The following TAS1R1 variants were observed in gnomAD, a reference collection of about 807,000 sequenced individuals.
TAS1R1 encodes the protein taste 1 receptor member 1, also known as taste receptor type 1 member 1.
Under a neutral mutation model 45.8 loss-of-function variants are expected in TAS1R1, and 31 were observed. That is an observed-to-expected ratio of 0.68 (90% CI 0.51 to 0.91). TAS1R1 has a LOEUF of 0.91. Ranked by LOEUF, TAS1R1 falls within the 40% of genes least tolerant of loss-of-function variation. The probability of loss-of-function intolerance (pLI) is 0.00; values close to 1 mark genes in which losing one functional copy is unlikely to be tolerated. For missense variants in TAS1R1, 1,051 were observed against 1,063.9 expected, an observed-to-expected ratio of 0.99 and a Z score of 0.17; for synonymous variants, 437 against 448.4, an observed-to-expected ratio of 0.97 and a Z score of 0.32.
At position 6,576,445 on chromosome 1, in the gene TAS1R1, C is replaced by T; in HGVS notation, c.1291C>T (p.Leu431Phe). Reference protein sequence around the residue: ...LLEQIHKVHFLLHKDTVAFND... With the variant: ...LLEQIHKVHFFLHKDTVAFND... Reference sequence around the variant, plus strand: ...GGAGCAGATCCACAAGGTGCATTTCCTTCTACACAAGGACACTGTGGCGTT... The same window carrying T: ...GGAGCAGATCCACAAGGTGCATTTCTTTCTACACAAGGACACTGTGGCGTT... Residue 431 changes from leucine (L) to phenylalanine (F), a missense_variant, in exon 4 of 6, where the codon CTT (leucine) becomes TTT (phenylalanine). Transcript: ENST00000333172. The T allele has an allele frequency of 6.2e-7, 1 of 1,614,246 alleles. No homozygotes were observed. Among genetic ancestry groups the T allele is most frequent in the Non-Finnish European group, 8.5e-7 (1 of 1,180,052 alleles).
In TAS1R1 at chr1:6,574,943, G is replaced by A. The variant is rs745386138; in HGVS notation, c.811G>A (p.Val271Met). 36 of 1,610,230 alleles carry A rather than the reference G, an allele frequency of 2.2e-5. No homozygotes were observed. Among genetic ancestry groups the A allele is most frequent in the East Asian group, 1.6e-4 (7 of 44,806 alleles). The stretch of plus-strand genomic sequence containing the variant: ...CCTGGCCCAGGCCGGGGCCACCGTC[G>A]TGGTTGTTTTTTCCAGCCGGCAGTT... Reference protein sequence around the residue: ...RHLAQAGATVVVVFSSRQLAR... With the variant: ...RHLAQAGATVMVVFSSRQLAR... Residue 271 changes from valine to methionine, a missense_variant, in exon 3 of 6, where the codon GTG becomes ATG. By Grantham distance (21) the Val-to-Met change is conservative. Transcript: ENST00000333172. The surrounding 1 kb of genome is among the most constrained non-coding windows in gnomAD (Gnocchi z 4.3).
At chr1:6,563,101 C>T (rs1173816595) in intron 1 of TAS1R1, among the ~76,000 whole-genome samples, 1 of 152,220 alleles carries the variant, frequency 6.6e-6, no homozygotes, top group Non-Finnish European at 1.5e-5. Flanking sequence ...AATGGCCATA[C>T]AGCCTGTATG....
At chr1:6,568,163 G>A (rs760391570) in intron 1 of TAS1R1, among the ~76,000 whole-genome samples, 1 of 151,926 alleles carries the variant, frequency 6.6e-6, no homozygotes, top group Admixed American at 6.6e-5. Flanking sequence ...GAGAACAATA[G>A]TTCCAGCCGG....
intron 1 of TAS1R1, among the ~76,000 whole-genome samples, chr1:6,561,808 A>G (rs1159690009): frequency 6.6e-6 from 1 of 152,114 alleles, no homozygotes; most frequent in Non-Finnish European, 1.5e-5. Context: ...AGACCGTGAT[A>G]GTAGGACAGA....
intron 1 of TAS1R1, among the ~76,000 whole-genome samples, chr1:6,558,726 A>G (rs1050058760): frequency 2.6e-5 from 4 of 151,372 alleles, no homozygotes; most frequent in Non-Finnish European, 4.4e-5. Flanking sequence ...CTAAAAAAAA[A>G]TATATATATT....
chr1:6,559,807 G>A (rs892456326), intron 1 of TAS1R1, among the ~76,000 whole-genome samples: 8 of 150,464 alleles, frequency 5.3e-5, no homozygotes, highest in Admixed American at 1.3e-4. Flanking sequence ...CCTGGTCAAC[G>A]TGTGAAACCC....
At chr1:6,567,437 G>T (rs1639893614) in intron 1 of TAS1R1, among the ~76,000 whole-genome samples, 1 of 152,126 alleles carries the variant, frequency 6.6e-6, no homozygotes, top group African/African-American at 2.4e-5. Context: ...GTGTGCGCCT[G>T]TAGTCCCAGC....
Position 6,572,889 on chromosome 1 carries a change from T to C in TAS1R1, c.498+1674T>C, listed in dbSNP as rs550400965. On this transcript the variant is annotated intron_variant, in intron 2 of 5. Transcript: ENST00000333172. ...CTCCCTACACAACAAAAGCCTCTTT[T>C]CTTCCTGTATTAGCCCCAATCCTCT... Among the ~76,000 whole-genome samples, 442 of 152,274 alleles carry C rather than the reference T, an allele frequency of 2.9e-3. 1 individual carries two copies. Among genetic ancestry groups the C allele is most frequent in the Non-Finnish European group, 4.3e-3 (292 of 68,028 alleles).
At position 6,567,595 on chromosome 1, in the gene TAS1R1, T is replaced by A. The variant is rs1257310680; in HGVS notation, c.192-3314T>A. 3.3e-5 allele frequency among the ~76,000 whole-genome samples: 5 copies of A among 149,572 alleles called. No homozygotes were observed. The East Asian group carries it at 9.7e-4, about 29-fold the overall frequency. Reference sequence around the variant, plus strand: ...AAAAAAAAGAGGAGATCGGCTTACCTGATACTAGCAGAGTTACCCTGGGCT... The same window carrying A: ...AAAAAAAAGAGGAGATCGGCTTACCAGATACTAGCAGAGTTACCCTGGGCT... On this transcript the variant is annotated intron_variant, in intron 1 of 5. Transcript: ENST00000333172.
chr1:6,573,518 TC>T (rs1214272532), intron 2 of TAS1R1, among the ~76,000 whole-genome samples: 2 of 152,126 alleles, frequency 1.3e-5, no homozygotes, highest in Admixed American at 1.3e-4. Context: ...CCTTAGGGAC[TC>T]CCTGTGGCTT....
rs781181685 is a variant in TAS1R1 at position 6,574,641 on chromosome 1, C to T, written c.509C>T (p.Ala170Val). ...SPFLVPMISY[A>V]ASSETLSVKR... ...CGGGACCTCCCATAGATTAGCTATG[C>T]GGCCAGCAGCGAGACGCTCAGCGTG... Residue 170 changes from alanine to valine, a missense_variant, in exon 3 of 6, where the codon GCG becomes GTG. Physicochemically the swap from Ala to Val is moderately conservative, Grantham distance 64 (BLOSUM62 0). Coordinates refer to ENST00000333172, the MANE Select transcript of TAS1R1 (RefSeq NM_138697.4). The surrounding 1 kb of genome is among the most constrained non-coding windows in gnomAD (Gnocchi z 4.3). The T allele has an allele frequency of 1.2e-4, 188 of 1,601,362 alleles. 2 individuals are homozygous for T. Among genetic ancestry groups the T allele is most frequent in the Middle Eastern group, 3.3e-4 (2 of 6,026 alleles).
intron 5 of TAS1R1, among the ~76,000 whole-genome samples, chr1:6,577,370 C>T (rs1044129582): frequency 6.6e-6 from 1 of 151,292 alleles, no homozygotes; most frequent in Non-Finnish European, 1.5e-5. Flanking sequence ...CCCATCTCTA[C>T]CAAAAATATA....
chr1:6,576,905 C>T (rs545021281), intron 4 of TAS1R1, 45 bp from the exon 5 acceptor site: 3 of 1,613,832 alleles, frequency 1.9e-6, no homozygotes, highest in Admixed American at 1.7e-5. Flanking sequence ...TGTGAGCTGT[C>T]CTTTGACTTG....
chr1:6,578,196 C>T (rs748672302), intron 5 of TAS1R1, among the ~76,000 whole-genome samples: 1 of 152,208 alleles, frequency 6.6e-6, no homozygotes, highest in Non-Finnish European at 1.5e-5. Context: ...TTCCTTTCAC[C>T]ATCTCTGTAG....
intron 1 of TAS1R1, among the ~76,000 whole-genome samples, chr1:6,558,051 T>G (rs1192766801): frequency 1.4e-4 from 21 of 150,702 alleles, no homozygotes; most frequent in Admixed American, 5.3e-4. Flanking sequence ...TGTTTTTGTT[T>G]TTGTTTTTTT....
chr1:6,569,241 G>A (rs1639948194), intron 1 of TAS1R1, among the ~76,000 whole-genome samples: 1 of 152,144 alleles, frequency 6.6e-6, no homozygotes, highest in Non-Finnish European at 1.5e-5. Flanking sequence ...GTCATCGACT[G>A]GGGCTGTAGG....
intron 5 of TAS1R1, among the ~76,000 whole-genome samples, chr1:6,578,163 T>C (rs925585600): frequency 2.6e-5 from 4 of 152,166 alleles, no homozygotes; most frequent in African/African-American, 9.7e-5. Context: ...AGGTCCTTAG[T>C]TGGTGTCCAG....
Position 6,576,791 on chromosome 1 carries a change from C to T in TAS1R1, c.1474-159C>T, listed in dbSNP as rs572600162. 5.3e-5 allele frequency among the ~76,000 whole-genome samples: 8 copies of T among 152,378 alleles called. No homozygotes were observed. The East Asian group carries it at 1.5e-3, about 29-fold the overall frequency. On this transcript the variant is annotated intron_variant, in intron 4 of 5. Transcript: ENST00000333172. ...GGAAGCAGGGAAGACACTCCGTAGG[C>T]GAGTGTGCAGATGCCCTGGGGCGGA...
chr1:6,558,448 G>A (rs914363205), intron 1 of TAS1R1, among the ~76,000 whole-genome samples: 6 of 152,124 alleles, frequency 3.9e-5, no homozygotes, highest in African/African-American at 1.4e-4. Context: ...GGCCGAACGT[G>A]GTGGTTCATG....
Sources: gnomAD v4.1 joint callset for allele counts (sites outside exome capture counted in the v4.1 genomes callset) on GRCh38, gnomAD v4.1.1 for gene constraint, Gnocchi (gnomAD v3.1) non-coding constraint, MANE v1.5 for transcripts, NCBI Gene and HGNC (gene_info 2026-07-23, HGNC 2026-07-21) for gene names.